The following ZNF365 variants were observed in gnomAD, a reference collection of about 807,000 sequenced individuals.
ZNF365 encodes the protein zinc finger protein 365, also known as protein ZNF365.
A neutral mutation model predicts 35.0 loss-of-function variants in ZNF365; 22 were observed. That is an observed-to-expected ratio of 0.63 (90% confidence interval 0.45 to 0.90). The LOEUF is 0.90. Ranked by LOEUF, ZNF365 falls within the 40% of genes least tolerant of loss-of-function variation. ZNF365 has a pLI of 0.00. For synonymous variants in ZNF365, 188 were observed against 196.2 expected (o/e 0.96, Z 0.35); for missense variants, 448 against 500.3 (o/e 0.90, Z 1.00).
chr10:62,479,456 T>G (rs1841186259), intron 4 of ZNF365, among the ~76,000 whole-genome samples: 1 of 152,180 alleles, frequency 6.6e-6, no homozygotes, highest in East Asian at 1.9e-4. Flanking sequence ...CAAACTACTT[T>G]CTTAAATAGA....
At chr10:62,413,276 A>T (rs1840014490) in intron 3 of ZNF365, among the ~76,000 whole-genome samples, 1 of 152,130 alleles carries the variant, frequency 6.6e-6, no homozygotes, top group African/African-American at 2.4e-5. Flanking sequence ...TAAATAAAGG[A>T]ATTGTCAGGC....
intron 3 of ZNF365, among the ~76,000 whole-genome samples, chr10:62,448,642 A>G (rs1589459419): frequency 6.6e-6 from 1 of 152,164 alleles, no homozygotes. Flanking sequence ...TATGGTGTCT[A>G]TTATAGGTAT....
chr10:62,419,832 C>A (rs1840138153), intron 3 of ZNF365, among the ~76,000 whole-genome samples: 1 of 152,064 alleles, frequency 6.6e-6, no homozygotes, highest in South Asian at 2.1e-4. Context: ...GTTTTATTCC[C>A]TACCCAAGGT....
rs184916728 is a variant in ZNF365, at chr10:62,476,712, G to A, written c.982-3164G>A. ...GTCAAATGGTTAAGGAAGCAAATTA[G>A]ACATTGAAGTGTTCTAAGAGCTTGA... On this transcript the variant is annotated intron_variant, in intron 4 of 4. Coordinates refer to the ZNF365 transcript ENST00000395255. 2.2e-3 allele frequency among the ~76,000 whole-genome samples: 330 copies of A among 152,338 alleles called. 2 individuals carry two copies. Among genetic ancestry groups the A allele is most frequent in the Non-Finnish European group, 3.0e-3 (207 of 68,028 alleles).
intron 4 of ZNF365, among the ~76,000 whole-genome samples, chr10:62,472,075 C>T (rs1841049185): frequency 6.6e-6 from 1 of 152,178 alleles, no homozygotes; most frequent in Admixed American, 6.5e-5. Flanking sequence ...CAATACACAG[C>T]CTGCTACTTA....
chr10:62,444,216 C>T (rs574481149), intron 3 of ZNF365, among the ~76,000 whole-genome samples: 22 of 152,292 alleles, frequency 1.4e-4, no homozygotes, highest in Admixed American at 1.2e-3. Context: ...GATGCATTCT[C>T]TGCTCTTCTC....
At chr10:62,382,107 T>C (rs117449674) in intron 2 of ZNF365, among the ~76,000 whole-genome samples, 2,348 of 152,270 alleles carry the variant, frequency 0.015, 21 homozygotes, top group Admixed American at 0.029. Flanking sequence ...GTAATGCCCA[T>C]TTAGGTTTTT....
intron 3 of ZNF365, among the ~76,000 whole-genome samples, chr10:62,389,917 T>C (rs1839598243): frequency 1.3e-5 from 2 of 152,236 alleles, no homozygotes; most frequent in South Asian, 4.1e-4. Flanking sequence ...GTAAAATGCT[T>C]CTGAGGGGGA....
At chr10:62,478,010 G>A (rs1168958006) in intron 4 of ZNF365, among the ~76,000 whole-genome samples, 2 of 152,138 alleles carry the variant, frequency 1.3e-5, no homozygotes, top group African/African-American at 4.8e-5. Flanking sequence ...TTTCCCACAA[G>A]CTGAACATAC....
At chr10:62,381,783 T>A (rs1248832609) in intron 2 of ZNF365, among the ~76,000 whole-genome samples, 1 of 152,172 alleles carries the variant, frequency 6.6e-6, no homozygotes, top group Admixed American at 6.5e-5. Context: ...TAGGCTTTGA[T>A]CACAATGAGA....
Position 62,401,627 on chromosome 10 carries a change from C to T in ZNF365, c.*1838C>T, listed in dbSNP as rs867073990. 18 of 984,280 alleles carry T rather than the reference C, an allele frequency of 1.8e-5. No homozygotes were observed. Among genetic ancestry groups the T allele is most frequent in the Non-Finnish European group, 2.2e-5 (18 of 828,904 alleles). The allele number at this position is 984,280 out of a possible 1,614,324, so 61.0% of individuals were successfully genotyped here. On this transcript the variant is annotated 3_prime_UTR_variant, in exon 5 of 5. Coordinates refer to ENST00000395254, the MANE Select transcript of ZNF365 (RefSeq NM_014951.3). The stretch of plus-strand genomic sequence containing the variant: ...TTATTTGGAGAATTAACTTCCCCCT[C>T]TAAAGTTATTTATTATTGATGCTTA...
chr10:62,404,745 A>G (rs1019730134), downstream of ZNF365, among the ~76,000 whole-genome samples: 3 of 152,160 alleles, frequency 2.0e-5, no homozygotes, highest in African/African-American at 7.2e-5. Context: ...TTCTTCCAAA[A>G]ATACTTGTAG....
At chr10:62,441,580 A>G (rs1006306874) in intron 3 of ZNF365, among the ~76,000 whole-genome samples, 8 of 152,084 alleles carry the variant, frequency 5.3e-5, no homozygotes, top group Non-Finnish European at 8.8e-5. Flanking sequence ...AATCAGATGC[A>G]AGGGCCTGGT....
chr10:62,407,913 T>C (rs897902900), intron 3 of ZNF365, among the ~76,000 whole-genome samples: 2 of 151,802 alleles, frequency 1.3e-5, no homozygotes, highest in Non-Finnish European at 2.9e-5. Context: ...AATGTCTACC[T>C]ACCCAAACTT....
At chr10:62,419,494 G>GAAA (rs751316684) in intron 3 of ZNF365, among the ~76,000 whole-genome samples, 24 of 124,930 alleles carry the variant, frequency 1.9e-4, no homozygotes, top group African/African-American at 7.0e-4. Context: ...GTTTTTAAAG[G>GAAA]AAAAAAAAAA....
At chr10:62,388,658 G>A (rs1839567686) in intron 3 of ZNF365, 82 bp downstream of exon 3, 2 of 1,519,464 alleles carry the variant, frequency 1.3e-6, no homozygotes, top group African/African-American at 2.8e-5. Context: ...AAGGGAGCTG[G>A]GTGACTTGCA....
exon 5 of ZNF365, chr10:62,480,179 G>A: frequency 8.5e-7 from 1 of 1,171,588 alleles, no homozygotes; most frequent in Non-Finnish European, 1.1e-6. Context: ...ATCATAGCAA[G>A]TAGAAGATGC....
chr10:62,464,669 AT>A (rs1282759368), intron 4 of ZNF365, among the ~76,000 whole-genome samples: 1 of 152,032 alleles, frequency 6.6e-6, no homozygotes, highest in East Asian at 1.9e-4. Flanking sequence ...TCCTTTCCCC[AT>A]TTTCTTCCAC....
At chr10:62,389,321 T>C (rs993904710) in intron 3 of ZNF365, among the ~76,000 whole-genome samples, 1 of 152,110 alleles carries the variant, frequency 6.6e-6, no homozygotes, top group African/African-American at 2.4e-5. Flanking sequence ...TACGGTTTCC[T>C]ACAACAAAAC....
Sources: allele counts gnomAD v4.1 joint callset (sites outside exome capture counted in the v4.1 genomes callset), GRCh38; gene constraint gnomAD v4.1.1; transcripts MANE v1.5; gene names NCBI Gene and HGNC (gene_info 2026-07-23, HGNC 2026-07-21).